NFATC1: variants seen among roughly 807,000 people sequenced by gnomAD.
NFATC1 encodes nuclear factor of activated T-cells, cytoplasmic 1.
A neutral mutation model predicts 76.0 loss-of-function variants in NFATC1; 22 were observed. The ratio of observed to expected loss-of-function variants is 0.29; its 90% CI spans 0.21 to 0.41. NFATC1 has a LOEUF of 0.41. NFATC1 is among the 10% of genes least tolerant of loss of function. The pLI, the probability that NFATC1 is intolerant of heterozygous loss-of-function variation, is 1.00. For missense variants in NFATC1, 1,357 were observed against 1,337.7 expected (o/e 1.01, Z -0.23); for synonymous variants, 704 against 613.1 (o/e 1.15, Z -2.19).
intron 1 of NFATC1, among the ~76,000 whole-genome samples, chr18:79,403,223 G>T (rs1039295440): frequency 1.3e-5 from 2 of 152,260 alleles, no homozygotes; most frequent in African/African-American, 4.8e-5. Context: ...CACAGGTCCC[G>T]CGTCTTCACG....
chr18:79,475,541 C>T (rs2144991195), intron 8 of NFATC1, among the ~76,000 whole-genome samples: 1 of 142,854 alleles, frequency 7.0e-6, no homozygotes, highest in East Asian at 2.0e-4. Flanking sequence ...ACACTGTAAA[C>T]CTGAGTGAAG....
chr18:79,428,349 G>A (rs2086471459), intron 2 of NFATC1, among the ~76,000 whole-genome samples: 2 of 152,206 alleles, frequency 1.3e-5, no homozygotes, highest in African/African-American at 4.8e-5. Context: ...GATGCAAACA[G>A]CAGGCCAGAA....
At position 79,474,365 on chromosome 18, in the gene NFATC1, C is replaced by T. The variant is rs532734327; in HGVS notation, c.2092+6783C>T. On this transcript the variant is annotated intron_variant, in intron 8 of 9. Coordinates refer to ENST00000427363, the MANE Select transcript of NFATC1 (RefSeq NM_001278669.2). The stretch of plus-strand genomic sequence containing the variant: ...GTCGACGTTGTAAACCTGAGGGAAG[C>T]GTGTTCTCACGCTCACCGTCGACGT... 1.0e-3 allele frequency among the ~76,000 whole-genome samples: 154 copies of T among 146,830 alleles called. 3 individuals are homozygous for T. The highest frequency in any genetic ancestry group is 1.5e-3 in the Non-Finnish European group (100 of 66,466).
rs549513463 is a variant in NFATC1, at chr18:79,486,847, G to A, written c.2692G>A (p.Val898Met). The A allele has an allele frequency of 8.1e-6, 13 of 1,611,970 alleles. No individual in the cohort carries two copies. In the Admixed American group the frequency reaches 1.2e-4, roughly 14 times the overall value. Residue 898 changes from valine (V) to methionine (M), a missense_variant, in exon 9 of 10, where the codon GTG becomes ATG. Physicochemically the swap from Val to Met is conservative, Grantham distance 21. This residue lies in a region of NFATC1 where 424 missense variants were observed against 395.4 expected (regional missense o/e 1.07). Transcript: ENST00000427363. ...PTAGPRLLPE[V>M]HEDGSPNLAP... Reference sequence around the variant, plus strand: ...TGCCGGGCCACGGCTGCTGCCAGAGGTGCATGAGGACGGTAGTCCTAATTT... The same window carrying A: ...TGCCGGGCCACGGCTGCTGCCAGAGATGCATGAGGACGGTAGTCCTAATTT...
intron 8 of NFATC1, among the ~76,000 whole-genome samples, chr18:79,474,721 C>T (rs571192571): frequency 2.0e-5 from 3 of 146,684 alleles, no homozygotes; most frequent in Non-Finnish European, 4.5e-5. Flanking sequence ...CGTGTTCTCA[C>T]GCTCACTGTC....
intron 9 of NFATC1, among the ~76,000 whole-genome samples, chr18:79,495,544 G>A (rs573590738): frequency 1.3e-5 from 2 of 152,222 alleles, no homozygotes; most frequent in Non-Finnish European, 2.9e-5. Context: ...ACATAGGGAC[G>A]AGGTGGAAGG....
intron 3 of NFATC1, among the ~76,000 whole-genome samples, chr18:79,446,995 G>T (rs1042195880): frequency 2.0e-5 from 3 of 152,368 alleles, no homozygotes; most frequent in African/African-American, 7.2e-5. Flanking sequence ...CTGCCCATCA[G>T]TCTGGGCCTC....
At chr18:79,396,763 C>G (rs2148112740) in intron 1 of NFATC1, among the ~76,000 whole-genome samples, 1 of 152,092 alleles carries the variant, frequency 6.6e-6, no homozygotes, top group African/African-American at 2.4e-5. Flanking sequence ...CAGAGCCACC[C>G]TCTGGCGCCA....
intron 3 of NFATC1, 45 bp downstream of exon 3, chr18:79,433,783 G>A (rs765281296): frequency 3.8e-6 from 6 of 1,581,412 alleles, no homozygotes; most frequent in Non-Finnish European, 5.1e-6. Flanking sequence ...TGCTTTTGTG[G>A]TCAAAAAGTA....
chr18:79,473,346 A>G (rs895740508), intron 8 of NFATC1, among the ~76,000 whole-genome samples: 1 of 152,292 alleles, frequency 6.6e-6, no homozygotes, highest in African/African-American at 2.4e-5. Flanking sequence ...CGCTCTTCAG[A>G]CGGCAAGTGA....
intron 8 of NFATC1, among the ~76,000 whole-genome samples, chr18:79,479,089 G>A (rs1039527488): frequency 2.0e-5 from 3 of 152,216 alleles, no homozygotes; most frequent in African/African-American, 7.2e-5. Flanking sequence ...AAAGCCAGCC[G>A]GCCCTGAGGC....
At chr18:79,481,118 C>T (rs114556107) in intron 8 of NFATC1, among the ~76,000 whole-genome samples, 133 of 152,380 alleles carry the variant, frequency 8.7e-4, no homozygotes, top group African/African-American at 3.1e-3. Context: ...CCTGAGTTCA[C>T]AGAGAGCACT....
rs1457943686 is a variant in NFATC1, at chr18:79,528,228, G to A, written c.*651G>A. ...TTCCCTTGTCTGCGCGGTTGAAACC[G>A]TAGGCTTGTTCATAGTCGCATGCTC... On this transcript the variant is annotated 3_prime_UTR_variant, in exon 10 of 10. Coordinates refer to ENST00000427363, the MANE Select transcript of NFATC1 (RefSeq NM_001278669.2). 1 of 316,298 alleles carries A rather than the reference G, an allele frequency of 3.2e-6. No individual in the cohort carries two copies. Among genetic ancestry groups the A allele is most frequent in the Non-Finnish European group, 5.7e-6 (1 of 174,236 alleles). The allele number at this position is 316,298 out of a possible 1,614,324, so 19.6% of individuals were successfully genotyped here.
At chr18:79,413,085 C>T (rs1395634030) in intron 2 of NFATC1, among the ~76,000 whole-genome samples, 1 of 152,208 alleles carries the variant, frequency 6.6e-6, no homozygotes, top group Non-Finnish European at 1.5e-5. Flanking sequence ...GGCACTGACT[C>T]TCCAGCCCAC....
At position 79,410,250 on chromosome 18, in the gene NFATC1, G is replaced by A; in HGVS notation, c.128-153G>A. On this transcript the variant is annotated intron_variant, in intron 1 of 9. Transcript: ENST00000427363. This position sits in a 1 kb window ranked among gnomAD's most constrained non-coding sequence, Gnocchi z 6.7. ...CTGTCACTCCAAGTCGCCCGGAGCT[G>A]TCCGGCAGCGTGGTCTCAGGGACGT... The A allele has an allele frequency of 7.8e-7, 1 of 1,286,134 alleles. No homozygotes were observed. Among genetic ancestry groups the A allele is most frequent in the South Asian group, 1.4e-5 (1 of 72,704 alleles). The allele number at this position is 1,286,134 out of a possible 1,614,324, so 79.7% of individuals were successfully genotyped here.
chr18:79,508,128 A>G (rs1180811204), intron 9 of NFATC1, among the ~76,000 whole-genome samples: 1 of 152,118 alleles, frequency 6.6e-6, no homozygotes, highest in Non-Finnish European at 1.5e-5. Context: ...AACTTCAATT[A>G]TTTTTGTGGA....
intron 3 of NFATC1, among the ~76,000 whole-genome samples, chr18:79,439,742 G>A (rs2086905557): frequency 6.6e-6 from 1 of 152,138 alleles, no homozygotes; most frequent in South Asian, 2.1e-4. Flanking sequence ...CCCCGTGTCA[G>A]CTTTTATGAT....
chr18:79,494,852 TGCGGCCGGGGG>T, intron 9 of NFATC1, among the ~76,000 whole-genome samples: 1 of 132,868 alleles, frequency 7.5e-6, no homozygotes, highest in Non-Finnish European at 1.7e-5. Context: ...ATGAACCTGG[TGCGGCCGGGGG>T]AAGGCGAGAG....
intron 9 of NFATC1, among the ~76,000 whole-genome samples, chr18:79,511,141 G>A (rs772394652): frequency 6.6e-6 from 1 of 152,184 alleles, no homozygotes; most frequent in Non-Finnish European, 1.5e-5. Context: ...CTGCCGCACC[G>A]CTCCGTGGCA....
Sources: gnomAD v4.1 joint callset for allele counts (sites outside exome capture counted in the v4.1 genomes callset) on GRCh38, gnomAD v4.1.1 for gene constraint, gnomAD v4.1.1 regional missense constraint, Gnocchi (gnomAD v3.1) non-coding constraint, MANE v1.5 for transcripts, NCBI Gene and HGNC (gene_info 2026-07-23, HGNC 2026-07-21) for gene names.